STARD9: variants seen among roughly 807,000 people sequenced by gnomAD.
STARD9 encodes the protein StAR related lipid transfer domain containing 9, also known as stAR-related lipid transfer protein 9.
A neutral mutation model predicts 399.8 loss-of-function variants in STARD9; 346 were observed. The observed-to-expected ratio is 0.87, with a 90% confidence interval of 0.79 to 0.95. STARD9 has a LOEUF of 0.95. Ranked by LOEUF, STARD9 falls within the 40% of genes least tolerant of loss-of-function variation. The probability of loss-of-function intolerance (pLI) is 0.00; values close to 1 mark genes in which losing one functional copy is unlikely to be tolerated. For missense variants in STARD9, 5,832 were observed against 5,667.5 expected (o/e 1.03, Z -0.93); for synonymous variants, 2,203 against 2,143.5 (o/e 1.03, Z -0.77).
intron 3 of STARD9, among the ~76,000 whole-genome samples, chr15:42,592,569 C>T (rs144424767): frequency 0.01 from 1,546 of 152,154 alleles, 35 homozygotes; most frequent in African/African-American, 0.036. Context: ...CTCCGCCTCC[C>T]GAGTAGCTGG....
At chr15:42,601,074 C>T (rs183110458) in intron 3 of STARD9, among the ~76,000 whole-genome samples, 4 of 151,938 alleles carry the variant, frequency 2.6e-5, no homozygotes, top group Non-Finnish European at 4.4e-5. Flanking sequence ...TGACTCTTAA[C>T]GAGTATGCTG....
chr15:42,621,503 G>A lies in STARD9; in HGVS notation c.235-13353G>A, dbSNP rs141047217. On this transcript the variant is annotated intron_variant, in intron 3 of 32. Coordinates refer to ENST00000290607, the MANE Select transcript of STARD9 (RefSeq NM_020759.3). ...TACGATAGGTTCAGATACAGCCTGA[G>A]GCTGCCACATGGTTGGATAACACTT... Among the ~76,000 whole-genome samples the A allele has an allele frequency of 1.7e-3, 257 of 152,332 alleles. 1 individual carries two copies. The Middle Eastern group carries it at 0.027, about 16-fold the overall frequency.
chr15:42,575,801 G>C, intron 1 of STARD9, 39 bp downstream of exon 1: 1 of 1,530,938 alleles, frequency 6.5e-7, no homozygotes, highest in South Asian at 1.2e-5. Flanking sequence ...GGCTTCACAG[G>C]AGCTGAAAAG....
intron 4 of STARD9, among the ~76,000 whole-genome samples, chr15:42,635,473 G>A (rs1177703472): frequency 1.3e-5 from 2 of 151,878 alleles, no homozygotes; most frequent in African/African-American, 2.4e-5. Flanking sequence ...GGGACTACAG[G>A]CACCCGCCAC....
chr15:42,660,050 A>C (rs925795550), intron 9 of STARD9, among the ~76,000 whole-genome samples: 1 of 152,242 alleles, frequency 6.6e-6, no homozygotes, highest in African/African-American at 2.4e-5. Flanking sequence ...CTTTTGATGC[A>C]TGCCTTAACA....
At position 42,611,614 on chromosome 15, in the gene STARD9, C is replaced by T. The variant is rs143643681; in HGVS notation, c.235-23242C>T. Among the ~76,000 whole-genome samples, 924 of 152,306 alleles carry T rather than the reference C, an allele frequency of 6.1e-3. 14 individuals carry two copies. The highest frequency in any genetic ancestry group is 0.021 in the African/African-American group (886 of 41,568). On this transcript the variant is annotated intron_variant, in intron 3 of 32. Coordinates refer to ENST00000290607, the MANE Select transcript of STARD9 (RefSeq NM_020759.3). ...ATACTGCCACCCTCATTGTCCTTGT[C>T]CAGGCCAGCTGCTGGGCAGACTGCT...
At chr15:42,588,823 G>A (rs913674770) in intron 3 of STARD9, among the ~76,000 whole-genome samples, 2 of 128,654 alleles carry the variant, frequency 1.6e-5, no homozygotes, top group African/African-American at 6.3e-5. Context: ...TTTGGAGTGG[G>A]GGGTGGGGGT....
intron 3 of STARD9, among the ~76,000 whole-genome samples, chr15:42,597,303 C>T (rs1334798606): frequency 6.6e-6 from 1 of 152,154 alleles, no homozygotes; most frequent in Non-Finnish European, 1.5e-5. Context: ...TGGGCTCCAC[C>T]TTGGCCTCCC....
intron 26 of STARD9, among the ~76,000 whole-genome samples, chr15:42,707,828 C>A (rs770855308): frequency 1.3e-5 from 2 of 152,028 alleles, no homozygotes; most frequent in African/African-American, 2.4e-5. Flanking sequence ...AAGATACACT[C>A]TAAGCACATC....
At chr15:42,615,499 A>G (rs2058944979) in intron 3 of STARD9, among the ~76,000 whole-genome samples, 1 of 152,096 alleles carries the variant, frequency 6.6e-6, no homozygotes, top group Non-Finnish European at 1.5e-5. Flanking sequence ...TTTAGTTAAA[A>G]AATTATTTAA....
intron 3 of STARD9, among the ~76,000 whole-genome samples, chr15:42,620,360 A>T (rs2059063646): frequency 6.6e-6 from 1 of 151,632 alleles, no homozygotes; most frequent in Non-Finnish European, 1.5e-5. Flanking sequence ...TCGCACCTGT[A>T]TTCCCAGCTA....
intron 7 of STARD9, among the ~76,000 whole-genome samples, chr15:42,639,033 A>T (rs2059481065): frequency 6.6e-6 from 1 of 152,244 alleles, no homozygotes; most frequent in Non-Finnish European, 1.5e-5. Flanking sequence ...AATTACAAGT[A>T]GTGATAAAGG....
chr15:42,624,634 C>T (rs994395099), intron 3 of STARD9, among the ~76,000 whole-genome samples: 3 of 151,780 alleles, frequency 2.0e-5, no homozygotes, highest in Non-Finnish European at 4.4e-5. Context: ...CTGCAACCTC[C>T]GCCTCCCAGG....
In STARD9 at chr15:42,687,165, AC is replaced by A; in HGVS notation, c.5588del (p.Thr1863LysfsTer11). ...QNRHFLPSTS[T>X]KVCEFENQVV... is the part of the protein sequence containing the mutation. ...CAGACATTTTCTCCCCTCTACCAGC[AC>A]AAAAGTATGTGAATTTGAAAACCAA... On this transcript the variant is annotated frameshift_variant, in exon 23 of 33. Transcript: ENST00000290607. LOFTEE classifies it high-confidence loss of function. The A allele has an allele frequency of 1.3e-6, 2 of 1,533,314 alleles. No individual in the cohort carries two copies. Among genetic ancestry groups the A allele is most frequent in the Non-Finnish European group, 1.7e-6 (2 of 1,143,620 alleles). 95.0% of individuals were successfully genotyped at this position (1,533,314 alleles called of 1,614,324 possible).
At chr15:42,624,706 G>A (rs948156647) in intron 3 of STARD9, among the ~76,000 whole-genome samples, 6 of 150,990 alleles carry the variant, frequency 4.0e-5, no homozygotes, top group African/African-American at 1.2e-4. Flanking sequence ...GCGCCACCAC[G>A]CCCAGCTAAT....
intron 1 of STARD9, among the ~76,000 whole-genome samples, chr15:42,577,051 C>A (rs1434689220): frequency 6.6e-6 from 1 of 152,122 alleles, no homozygotes; most frequent in Non-Finnish European, 1.5e-5. Flanking sequence ...CTGGTATATT[C>A]TGTATTTGTG....
chr15:42,657,434 A>G (rs1011155747), intron 9 of STARD9, among the ~76,000 whole-genome samples: 5 of 152,284 alleles, frequency 3.3e-5, no homozygotes, highest in African/African-American at 9.6e-5. Context: ...GTCAGTCAGT[A>G]CATTGAAGAA....
intron 9 of STARD9, 142 bp from the exon 10 acceptor site, chr15:42,661,016 A>G: frequency 1.7e-6 from 1 of 582,796 alleles, no homozygotes; most frequent in Non-Finnish European, 3.0e-6. Context: ...TTGAGAGCTC[A>G]CCTGGTTTAC....
chr15:42,694,444 C>G, intron 23 of STARD9, 84 bp from the exon 24 acceptor site: 1 of 1,523,714 alleles, frequency 6.6e-7, no homozygotes, highest in Non-Finnish European at 8.8e-7. Context: ...CCTGGTTCAT[C>G]TCTGGGATCT....
Sources: allele counts gnomAD v4.1 joint callset (sites outside exome capture counted in the v4.1 genomes callset), GRCh38; gene constraint gnomAD v4.1.1; transcripts MANE v1.5; gene names NCBI Gene and HGNC (gene_info 2026-07-23, HGNC 2026-07-21).